The following MAGI2 variants were observed in gnomAD, a reference collection of about 807,000 sequenced individuals.
MAGI2 encodes the protein membrane associated guanylate kinase, WW and PDZ domain containing 2.
A neutral mutation model predicts 133.3 loss-of-function variants in MAGI2; 35 were observed. That is an observed-to-expected ratio of 0.26 (90% CI 0.20 to 0.35). MAGI2 has a LOEUF of 0.35. Ranked by LOEUF, MAGI2 falls within the 10% of genes least tolerant of loss-of-function variation. The pLI is 1.00. For synonymous variants in MAGI2, 729 were observed against 710.6 expected, an observed-to-expected ratio of 1.03 and a Z score of -0.41; for missense variants, 1,636 against 1,863.4, an observed-to-expected ratio of 0.88 and a Z score of 2.25.
intron 1 of MAGI2, among the ~76,000 whole-genome samples, chr7:79,043,114 C>A (rs1474789704): frequency 2.0e-5 from 3 of 152,024 alleles, no homozygotes; most frequent in African/African-American, 7.2e-5. Flanking sequence ...GCACTGAACA[C>A]CCACATCAAA....
At chr7:79,080,810 T>C (rs1280174060) in intron 1 of MAGI2, among the ~76,000 whole-genome samples, 1 of 152,166 alleles carries the variant, frequency 6.6e-6, no homozygotes, top group Non-Finnish European at 1.5e-5. Flanking sequence ...ATCTGTCAAC[T>C]GCTCTCTATC....
At chr7:78,060,351 T>C (rs1029402216) in intron 21 of MAGI2, among the ~76,000 whole-genome samples, 2 of 150,662 alleles carry the variant, frequency 1.3e-5, no homozygotes, top group African/African-American at 4.9e-5. Context: ...AAATTTGCTG[T>C]CAGAATGATG....
At chr7:78,931,684 C>T (rs1014811226) in intron 2 of MAGI2, among the ~76,000 whole-genome samples, 1 of 152,076 alleles carries the variant, frequency 6.6e-6, no homozygotes, top group Non-Finnish European at 1.5e-5. Context: ...ATGTTAGTAG[C>T]TTGGATTCTA....
Position 78,594,647 on chromosome 7 carries a change from G to C in MAGI2, c.538+32473C>G, listed in dbSNP as rs187835647. Among the ~76,000 whole-genome samples the C allele has an allele frequency of 2.0e-5, 3 of 152,110 alleles. No homozygotes were observed. The East Asian group carries it at 5.8e-4, about 29-fold the overall frequency. The stretch of plus-strand genomic sequence containing the variant: ...TAATTTTTGTATTTTTAGTAGAGAC[G>C]GGGTTTCACCATGTTGGCCAGGATG... On this transcript the variant is annotated intron_variant, in intron 3 of 21. Transcript: ENST00000354212.
intron 1 of MAGI2, among the ~76,000 whole-genome samples, chr7:79,188,757 A>C (rs1827389030): frequency 2.0e-5 from 3 of 151,946 alleles, no homozygotes; most frequent in Admixed American, 6.6e-5. Flanking sequence ...CAATGAATTA[A>C]CATTAAATGA....
At position 79,027,625 on chromosome 7, in the gene MAGI2, T is replaced by C. The variant is rs1305598720; in HGVS notation, c.302-20419A>G. Among the ~76,000 whole-genome samples, 5 of 152,294 alleles carry C rather than the reference T, an allele frequency of 3.3e-5. No homozygotes were observed. The East Asian group carries it at 5.8e-4, about 18-fold the overall frequency. On this transcript the variant is annotated intron_variant, in intron 1 of 21. Transcript: ENST00000354212. ...GATATACTGCACGATATGGTGAATG[T>C]ACTTAACAACAGTGTATTGTACATT...
intron 1 of MAGI2, chr7:79,125,733 G>T (rs999740134): frequency 8.8e-5 from 46 of 522,886 alleles, no homozygotes; most frequent in Non-Finnish European, 1.6e-4. Flanking sequence ...TGATGGCCAA[G>T]GCCAATACTT....
chr7:78,767,835 T>C (rs766498558), intron 2 of MAGI2, among the ~76,000 whole-genome samples: 5 of 152,340 alleles, frequency 3.3e-5, no homozygotes, highest in South Asian at 2.1e-4. Context: ...GCTATAGGAA[T>C]ACAGGAATAC....
chr7:78,609,052 A>G (rs923606554), intron 3 of MAGI2, among the ~76,000 whole-genome samples: 6 of 152,176 alleles, frequency 3.9e-5, no homozygotes, highest in Admixed American at 1.3e-4. Context: ...CATGGGGGAA[A>G]GATGTAGGCT....
At chr7:78,847,364 G>T (rs562746946) in intron 2 of MAGI2, among the ~76,000 whole-genome samples, 5 of 152,012 alleles carry the variant, frequency 3.3e-5, no homozygotes, top group South Asian at 4.1e-4. Context: ...CGTGGCTTGC[G>T]AGGGGTACTA....
At chr7:79,028,919 T>C (rs977983962) in intron 1 of MAGI2, among the ~76,000 whole-genome samples, 1 of 152,218 alleles carries the variant, frequency 6.6e-6, no homozygotes, top group Non-Finnish European at 1.5e-5. Context: ...TTACTGTCTT[T>C]TGATAAATAA....
chr7:79,040,172 A>G (rs181726244), intron 1 of MAGI2, among the ~76,000 whole-genome samples: 2 of 151,464 alleles, frequency 1.3e-5, no homozygotes, highest in Admixed American at 1.3e-4. Context: ...GAGTTCTCAT[A>G]GTATCTGATG....
At chr7:78,820,293 T>C (rs1789978692) in intron 2 of MAGI2, among the ~76,000 whole-genome samples, 3 of 151,810 alleles carry the variant, frequency 2.0e-5, no homozygotes, top group African/African-American at 4.8e-5. Flanking sequence ...TTAGGGGAGA[T>C]ACATAAATAT....
intron 20 of MAGI2, among the ~76,000 whole-genome samples, chr7:78,094,573 A>C (rs376924018): frequency 2.0e-4 from 31 of 152,326 alleles, no homozygotes; most frequent in African/African-American, 6.5e-4. Flanking sequence ...CACCATTTCT[A>C]CAAAAACAAT....
intron 2 of MAGI2, among the ~76,000 whole-genome samples, chr7:78,679,864 C>A (rs1032354655): frequency 2.0e-5 from 3 of 152,134 alleles, no homozygotes; most frequent in African/African-American, 7.2e-5. Context: ...GTTCTCTCTA[C>A]ATTTTGCCCA....
At chr7:78,732,346 C>A (rs1388972783) in intron 2 of MAGI2, among the ~76,000 whole-genome samples, 23 of 152,136 alleles carry the variant, frequency 1.5e-4, no homozygotes. Flanking sequence ...GACATATAGT[C>A]TGACACCTTA....
At chr7:78,279,639 A>C (rs1406412409) in intron 9 of MAGI2, among the ~76,000 whole-genome samples, 3 of 152,080 alleles carry the variant, frequency 2.0e-5, no homozygotes, top group Non-Finnish European at 2.9e-5. Flanking sequence ...CATTAAGGAG[A>C]CTAACCCATG....
chr7:79,348,251 C>A (rs952717768), intron 1 of MAGI2, among the ~76,000 whole-genome samples: 8 of 151,784 alleles, frequency 5.3e-5, no homozygotes. Flanking sequence ...TAATGTGCTG[C>A]AGATCTTCTA....
At chr7:79,264,990 C>G (rs1051543112) in intron 1 of MAGI2, among the ~76,000 whole-genome samples, 1 of 152,104 alleles carries the variant, frequency 6.6e-6, no homozygotes, top group Non-Finnish European at 1.5e-5. Flanking sequence ...GGAATTTACC[C>G]CCATGACCCC....
Sources: gnomAD v4.1 joint callset for allele counts (sites outside exome capture counted in the v4.1 genomes callset) on GRCh38, gnomAD v4.1.1 for gene constraint, MANE v1.5 for transcripts, NCBI Gene and HGNC (gene_info 2026-07-23, HGNC 2026-07-21) for gene names.